CFLAR: variants seen among roughly 807,000 people sequenced by gnomAD.
CFLAR encodes CASP8 and FADD-like apoptosis regulator.
A neutral mutation model predicts 51.1 loss-of-function variants in CFLAR; 14 were observed. The ratio of observed to expected loss-of-function variants is 0.27; its 90% CI spans 0.18 to 0.43. The LOEUF (loss-of-function observed/expected upper bound fraction) is 0.43, where lower values mean the gene tolerates loss of function less well. CFLAR is among the 20% of genes least tolerant of loss of function. CFLAR has a pLI of 1.00. For missense variants in CFLAR, 390 were observed against 566.5 expected, an observed-to-expected ratio of 0.69 and a Z score of 3.16; for synonymous variants, 210 against 211.6, an observed-to-expected ratio of 0.99 and a Z score of 0.06.
At chr2:201,141,640 G>A in intron 5 of CFLAR, 1 of 1,282,948 alleles carries the variant, frequency 7.8e-7, no homozygotes, top group Non-Finnish European at 9.9e-7. Flanking sequence ...AATGATTTCA[G>A]CAAAAGTTAT....
chr2:201,141,185 G>A (rs1005547024), intron 5 of CFLAR, among the ~76,000 whole-genome samples: 3 of 152,058 alleles, frequency 2.0e-5, no homozygotes, highest in East Asian at 1.9e-4. Context: ...TAGCCAAATC[G>A]CGCCATTGTA....
intron 9 of CFLAR, chr2:201,162,817 A>G: frequency 1.9e-6 from 1 of 515,458 alleles, no homozygotes. Context: ...ACATTTTTGC[A>G]TGTCAGTAGT....
At chr2:201,131,215 A>C (rs1441938387) in intron 2 of CFLAR, among the ~76,000 whole-genome samples, 1 of 152,078 alleles carries the variant, frequency 6.6e-6, no homozygotes, top group Non-Finnish European at 1.5e-5. Flanking sequence ...GGAAAGGAAG[A>C]TAACTTGTAA....
rs771361555 is a variant in CFLAR at position 201,130,353 on chromosome 2, CTT to C, written c.281+232_281+233del. On this transcript the variant is annotated intron_variant, in intron 2 of 9. Coordinates refer to ENST00000309955, the MANE Select transcript of CFLAR (RefSeq NM_003879.7). ...TTTCTTGCTTTCTTTTTCTTTCTTTCTTTTTTTTTTTTTTTTTTTTTTTTTTG... is the reference window on the plus strand; with the variant it reads ...TTTCTTGCTTTCTTTTTCTTTCTTTCTTTTTTTTTTTTTTTTTTTTTTTTG... Among the ~76,000 whole-genome samples the C allele has an allele frequency of 5.5e-3, 508 of 92,152 alleles. 2 individuals are homozygous for C. The highest frequency in any genetic ancestry group is 0.024 in the African/African-American group (491 of 20,626). The allele number at this position is 92,152 out of a possible 152,430, so 60.5% of individuals were successfully genotyped here.
chr2:201,125,846 G>A (rs997313918), intron 1 of CFLAR, among the ~76,000 whole-genome samples: 4 of 152,142 alleles, frequency 2.6e-5, no homozygotes, highest in Non-Finnish European at 5.9e-5. Flanking sequence ...ACTTGCTACT[G>A]GAGGTGTAGG....
rs115210821 is a variant in CFLAR at position 201,124,168 on chromosome 2, G to T, written c.-137-5561G>T. The stretch of plus-strand genomic sequence containing the variant: ...TGCATGCTTTGCTACTGATTACAGG[G>T]AACAATATGTGCCTTTGTTACCAGA... On this transcript the variant is annotated intron_variant, in intron 1 of 9. Transcript: ENST00000309955. This position sits in a 1 kb window ranked among gnomAD's most constrained non-coding sequence, Gnocchi z 4.7. Among the ~76,000 whole-genome samples, 1,163 of 152,322 alleles carry T rather than the reference G, an allele frequency of 7.6e-3. 18 individuals are homozygous for T. Among genetic ancestry groups the T allele is most frequent in the African/African-American group, 0.027 (1,123 of 41,570 alleles).
chr2:201,123,989 G>A (rs2048440425), intron 1 of CFLAR, among the ~76,000 whole-genome samples: 2 of 152,220 alleles, frequency 1.3e-5, no homozygotes, highest in African/African-American at 4.8e-5. Flanking sequence ...TTGCCGCCCA[G>A]TTTGTGGGGT....
At position 201,116,475 on chromosome 2, in the gene CFLAR, C is replaced by T. The variant is rs2047590720; in HGVS notation, c.-144C>T. ...CAGCGGCAGGAGAGTCCGGCCGCGA[C>T]AGGACGGTACGTGCCCCGCGCTCGA... On this transcript the variant is annotated 5_prime_UTR_variant, in exon 1 of 10. Transcript: ENST00000309955. This position sits in a 1 kb window ranked among gnomAD's most constrained non-coding sequence, Gnocchi z 4.8. 6.6e-6 allele frequency: 1 copy of T among 152,338 alleles called. No individual in the cohort carries two copies. The highest frequency in any genetic ancestry group is 6.5e-5 in the Admixed American group (1 of 15,286). The allele number at this position is 152,338 out of a possible 1,614,324, so 9.4% of individuals were successfully genotyped here.
At chr2:201,134,919 A>G (rs559613554) in intron 3 of CFLAR, among the ~76,000 whole-genome samples, 36 of 152,292 alleles carry the variant, frequency 2.4e-4, no homozygotes, top group African/African-American at 7.5e-4. Context: ...AATGGGAAGG[A>G]AAATGAAACT....
rs1470168780 is a variant in CFLAR, at chr2:201,170,003, G to T, written c.*6030G>T. On this transcript the variant is annotated 3_prime_UTR_variant, in exon 10 of 10. Coordinates refer to ENST00000309955, the MANE Select transcript of CFLAR (RefSeq NM_003879.7). ...AAGTAGGAACACTTTTACATTGTTG[G>T]TGGGAATGTAAATTAGTTCAACCGT... 1 of 152,236 alleles carries T rather than the reference G, an allele frequency of 6.6e-6. No homozygotes were observed. Among genetic ancestry groups the T allele is most frequent in the African/African-American group, 2.4e-5 (1 of 41,458 alleles). The allele number at this position is 152,236 out of a possible 1,614,324, so 9.4% of individuals were successfully genotyped here.
At chr2:201,119,511 G>A (rs1038158377) in intron 1 of CFLAR, among the ~76,000 whole-genome samples, 1 of 152,030 alleles carries the variant, frequency 6.6e-6, no homozygotes, top group African/African-American at 2.4e-5. Context: ...TGCAGAACCC[G>A]GTCGTTCTTT....
intron 2 of CFLAR, among the ~76,000 whole-genome samples, 181 bp downstream of exon 2, chr2:201,130,327 T>C (rs1182942702): frequency 2.0e-5 from 3 of 151,720 alleles, no homozygotes; most frequent in Non-Finnish European, 2.9e-5. Context: ...TTGAAACTTG[T>C]TTTCTTGCTT....
In CFLAR at chr2:201,124,671, G is replaced by A. The variant is rs182209086; in HGVS notation, c.-137-5058G>A. On this transcript the variant is annotated intron_variant, in intron 1 of 9. Transcript: ENST00000309955. The surrounding 1 kb of genome is among the most constrained non-coding windows in gnomAD (Gnocchi z 4.7). ...GAACTTTAGAAATTTCACTTAGATG[G>A]AAGGTAGATTTGGAGAGGGTGAGGT... is the stretch of plus-strand genomic sequence containing the variant. 1.6e-4 allele frequency among the ~76,000 whole-genome samples: 24 copies of A among 152,282 alleles called. No homozygotes were observed. The East Asian group carries it at 3.3e-3, about 21-fold the overall frequency.
chr2:201,154,864 T>A (rs1414358081), intron 8 of CFLAR, among the ~76,000 whole-genome samples: 2 of 152,282 alleles, frequency 1.3e-5, no homozygotes, highest in Non-Finnish European at 2.9e-5. Flanking sequence ...GTGAAGCAAA[T>A]ATTAAGGCAA....
rs1045242000 is a variant in CFLAR, at chr2:201,165,448, T to G, written c.*1475T>G. The G allele has an allele frequency of 2.0e-5, 3 of 151,964 alleles. No individual in the cohort carries two copies. In the East Asian group the frequency reaches 5.8e-4, roughly 29 times the overall value. The allele number at this position is 151,964 out of a possible 1,614,324, so 9.4% of individuals were successfully genotyped here. A position where few individuals can be genotyped will look rare whatever the true frequency, so the allele number is the denominator to read the frequency against. Reference sequence around the variant, plus strand: ...ACCACACCCGGCTAATTTTTGTATTTTTAGTGGAGACAGGGTTTCCACCAT... The same window carrying G: ...ACCACACCCGGCTAATTTTTGTATTGTTAGTGGAGACAGGGTTTCCACCAT... On this transcript the variant is annotated 3_prime_UTR_variant, in exon 10 of 10. Transcript: ENST00000309955.
chr2:201,125,072 T>C (rs1470409503), intron 1 of CFLAR, among the ~76,000 whole-genome samples: 1 of 152,184 alleles, frequency 6.6e-6, no homozygotes, highest in Admixed American at 6.6e-5. Context: ...GTCATCAAGA[T>C]AGATAATATT....
rs1335931626 is a variant in CFLAR, at chr2:201,170,878, G to A, written c.*6905G>A. 3 of 152,218 alleles carry A rather than the reference G, an allele frequency of 2.0e-5. No individual in the cohort carries two copies. The highest frequency in any genetic ancestry group is 7.2e-5 in the African/African-American group (3 of 41,456). 9.4% of individuals were successfully genotyped at this position (152,218 alleles called of 1,614,324 possible). On this transcript the variant is annotated 3_prime_UTR_variant, in exon 10 of 10. Transcript: ENST00000309955. The stretch of plus-strand genomic sequence containing the variant: ...CATGTTTTGGTACCATTTAGATATA[G>A]TTTAAGATACTTAGAAGTTATGTGG...
At chr2:201,153,892 T>C (rs919590959) in intron 8 of CFLAR, among the ~76,000 whole-genome samples, 5 of 149,842 alleles carry the variant, frequency 3.3e-5, no homozygotes, top group African/African-American at 1.2e-4. Flanking sequence ...ATATTCTATT[T>C]TCTTTTCTTT....
At chr2:201,149,320 G>A in intron 7 of CFLAR, 1 of 358,500 alleles carries the variant, frequency 2.8e-6, no homozygotes, top group Non-Finnish European at 5.1e-6. Flanking sequence ...TTAGTCAGCA[G>A]TGATACTTCC....
Sources: allele counts gnomAD v4.1 joint callset (sites outside exome capture counted in the v4.1 genomes callset), GRCh38; gene constraint gnomAD v4.1.1; non-coding constraint Gnocchi (gnomAD v3.1); transcripts MANE v1.5; gene names NCBI Gene and HGNC (gene_info 2026-07-23, HGNC 2026-07-21).